Variants in ACOT7 observed in about 807,000 individuals in gnomAD.
ACOT7 encodes acyl-CoA thioesterase 7.
Under a neutral mutation model 40.2 loss-of-function variants are expected in ACOT7, and 12 were observed. That is an observed-to-expected ratio of 0.30 (90% CI 0.19 to 0.48). The LOEUF is 0.48. ACOT7 is among the 20% of genes least tolerant of loss of function. The pLI, the probability that ACOT7 is intolerant of heterozygous loss-of-function variation, is 0.99. For missense variants in ACOT7, 395 were observed against 530.8 expected (o/e 0.74, Z 2.51); for synonymous variants, 228 against 219.5 (o/e 1.04, Z -0.34).
At chr1:6,295,066 C>T (rs1639774903) in intron 6 of ACOT7, 86 bp from the exon 7 acceptor site, 3 of 1,070,526 alleles carry the variant, frequency 2.8e-6, no homozygotes, top group African/African-American at 3.1e-5. Flanking sequence ...AACTCGAGCC[C>T]TCCCCTCCCA....
At chr1:6,325,356 C>T (rs939909389) in intron 5 of ACOT7, among the ~76,000 whole-genome samples, 18 of 151,448 alleles carry the variant, frequency 1.2e-4, no homozygotes, top group African/African-American at 4.4e-4. Flanking sequence ...TGAGATCGCG[C>T]CACTGCACTC....
In ACOT7 at chr1:6,359,982, A is replaced by G. The variant is rs1022754286; in HGVS notation, c.144-10116T>C. On this transcript the variant is annotated intron_variant, in intron 1 of 8. Transcript: ENST00000361521. The surrounding 1 kb of genome is among the most constrained non-coding windows in gnomAD (Gnocchi z 4.1). ...AACTGCCAGAGCCTGGGCTTATTCT[A>G]TCTAACCAGCTGGCAGGCACTGAGC... 2.7e-4 allele frequency among the ~76,000 whole-genome samples: 41 copies of G among 152,344 alleles called. No individual in the cohort carries two copies. The highest frequency in any genetic ancestry group is 9.1e-4 in the African/African-American group (38 of 41,578).
chr1:6,272,959 G>C (rs999303276), intron 8 of ACOT7, among the ~76,000 whole-genome samples: 24 of 152,344 alleles, frequency 1.6e-4, no homozygotes, highest in Admixed American at 1.4e-3. Context: ...TGACAGCAGT[G>C]GGGACAGAGA....
chr1:6,272,303 T>C (rs981632875), intron 8 of ACOT7, among the ~76,000 whole-genome samples: 1 of 152,224 alleles, frequency 6.6e-6, no homozygotes, highest in Admixed American at 6.5e-5. Context: ...TAATTCTAAA[T>C]AGGGATGGTC....
chr1:6,340,891 C>G (rs1641257685), intron 2 of ACOT7, among the ~76,000 whole-genome samples: 1 of 151,810 alleles, frequency 6.6e-6, no homozygotes, highest in Non-Finnish European at 1.5e-5. Flanking sequence ...CAAAAGTTAC[C>G]CGGGCGTGGC....
At chr1:6,300,308 C>T (rs936670215) in intron 6 of ACOT7, among the ~76,000 whole-genome samples, 1 of 152,134 alleles carries the variant, frequency 6.6e-6, no homozygotes, top group African/African-American at 2.4e-5. Context: ...GAGCTGGATG[C>T]TGAGGGCAGC....
intron 4 of ACOT7, among the ~76,000 whole-genome samples, chr1:6,329,074 G>A (rs917248201): frequency 6.6e-6 from 1 of 152,284 alleles, no homozygotes; most frequent in African/African-American, 2.4e-5. Flanking sequence ...GGGCCCCTCG[G>A]CCGCCTGTTG....
At chr1:6,269,456 C>T (rs1638959429) in intron 8 of ACOT7, among the ~76,000 whole-genome samples, 1 of 152,242 alleles carries the variant, frequency 6.6e-6, no homozygotes, top group Non-Finnish European at 1.5e-5. Flanking sequence ...CAGCTGCTCC[C>T]ACCCCAGCGG....
rs1381179123 is a variant in ACOT7, at chr1:6,289,081, C to G, written c.829+5783G>C. Among the ~76,000 whole-genome samples the G allele has an allele frequency of 6.6e-6, 1 of 152,152 alleles. No individual in the cohort carries two copies. Among genetic ancestry groups the G allele is most frequent in the East Asian group, 1.9e-4 (1 of 5,198 alleles). ...AGGTCTGGCGTCTCCATTCCGCATT[C>G]CCACTGTTTTCTGGTTATTTTATTT... On this transcript the variant is annotated intron_variant, in intron 7 of 8. Coordinates refer to ENST00000361521, the MANE Select transcript of ACOT7 (RefSeq NM_007274.4). The surrounding 1 kb of genome is among the most constrained non-coding windows in gnomAD (Gnocchi z 4.6).
chr1:6,327,002 C>T (rs1420993952), intron 5 of ACOT7, among the ~76,000 whole-genome samples: 4 of 152,198 alleles, frequency 2.6e-5, no homozygotes, highest in Admixed American at 2.6e-4. Context: ...AAAACAAATT[C>T]CTTGTGAACA....
At position 6,358,864 on chromosome 1, in the gene ACOT7, G is replaced by T; in HGVS notation, c.144-8998C>A. ...AAGCCATGGTGGCTAGGACATCCCA[G>T]GATCAGATGCAGAGAAAGGCGAGGG... On this transcript the variant is annotated intron_variant, in intron 1 of 8. Coordinates refer to ENST00000361521, the MANE Select transcript of ACOT7 (RefSeq NM_007274.4). The surrounding 1 kb of genome is among the most constrained non-coding windows in gnomAD (Gnocchi z 4.1). The T allele has an allele frequency of 6.2e-7, 1 of 1,613,748 alleles. No individual in the cohort carries two copies. Among genetic ancestry groups the T allele is most frequent in the Non-Finnish European group, 8.5e-7 (1 of 1,179,820 alleles).
chr1:6,368,195 C>T (rs1030267110), intron 1 of ACOT7, among the ~76,000 whole-genome samples: 1 of 152,164 alleles, frequency 6.6e-6, no homozygotes, highest in Non-Finnish European at 1.5e-5. Flanking sequence ...TCACTGGGGA[C>T]CAGACCCCTT....
intron 7 of ACOT7, among the ~76,000 whole-genome samples, chr1:6,287,896 C>T (rs183094897): frequency 6.6e-6 from 1 of 152,174 alleles, no homozygotes; most frequent in African/African-American, 2.4e-5. Context: ...ACATAACACA[C>T]CCCAAGGCCT....
At chr1:6,327,677 T>C (rs1640842768) in intron 4 of ACOT7, among the ~76,000 whole-genome samples, 1 of 152,244 alleles carries the variant, frequency 6.6e-6, no homozygotes, top group African/African-American at 2.4e-5. Flanking sequence ...TAAAAAGCTC[T>C]ATGGTGCTGT....
chr1:6,348,149 G>C (rs771018605), intron 2 of ACOT7, among the ~76,000 whole-genome samples: 2 of 151,850 alleles, frequency 1.3e-5, no homozygotes, highest in East Asian at 3.9e-4. Flanking sequence ...GAGCTGCACC[G>C]GAGCCTCGGG....
rs1319629649 is a variant in ACOT7, at chr1:6,338,115, C to T, written c.418+1318G>A. Among the ~76,000 whole-genome samples, 1 of 152,182 alleles carries T rather than the reference C, an allele frequency of 6.6e-6. No homozygotes were observed. The highest frequency in any genetic ancestry group is 1.5e-5 in the Non-Finnish European group (1 of 68,038). On this transcript the variant is annotated intron_variant, in intron 3 of 8. Coordinates refer to ENST00000361521, the MANE Select transcript of ACOT7 (RefSeq NM_007274.4). The surrounding 1 kb of genome is among the most constrained non-coding windows in gnomAD (Gnocchi z 4.4). ...GGCAGAAAATCTGCAAAGCAGATCC[C>T]TTCCTGGCATTTTTGAAGCCACCAA...
intron 5 of ACOT7, among the ~76,000 whole-genome samples, chr1:6,320,196 G>A (rs1640603885): frequency 6.6e-6 from 1 of 152,210 alleles, no homozygotes; most frequent in African/African-American, 2.4e-5. Context: ...TAGCACACAC[G>A]AAGCCCTGTA....
At chr1:6,377,945 C>T (rs549335767) in intron 1 of ACOT7, among the ~76,000 whole-genome samples, 22 of 152,210 alleles carry the variant, frequency 1.4e-4, no homozygotes, top group Non-Finnish European at 2.5e-4. Context: ...TGGCAGGCGC[C>T]TGTAGTCCCA....
intron 6 of ACOT7, among the ~76,000 whole-genome samples, chr1:6,305,204 C>A (rs1255963543): frequency 3.4e-5 from 5 of 148,794 alleles, no homozygotes; most frequent in African/African-American, 5.0e-5. Flanking sequence ...GGGGGGCTGT[C>A]CCCCCCACAT....
Sources: gnomAD v4.1 joint callset for allele counts (sites outside exome capture counted in the v4.1 genomes callset) on GRCh38, gnomAD v4.1.1 for gene constraint, Gnocchi (gnomAD v3.1) non-coding constraint, MANE v1.5 for transcripts, NCBI Gene and HGNC (gene_info 2026-07-23, HGNC 2026-07-21) for gene names.